The following SLC26A7 variants were observed in gnomAD, a reference collection of about 807,000 sequenced individuals.
SLC26A7 encodes the protein solute carrier family 26 member 7.
SLC26A7 carries 59 observed loss-of-function variants against 82.5 expected under a neutral mutation model. The observed-to-expected ratio is 0.72, with a 90% CI of 0.58 to 0.89. The LOEUF (loss-of-function observed/expected upper bound fraction) is 0.89. Among genes scored for constraint, SLC26A7 ranks in the 40% least tolerant of loss-of-function variants. The pLI is 0.00. For missense variants in SLC26A7, 820 were observed against 793.0 expected (o/e 1.03, Z -0.41); for synonymous variants, 271 against 274.3 (o/e 0.99, Z 0.12).
chr8:91,312,696 G>A (rs1284515231), intron 4 of SLC26A7, among the ~76,000 whole-genome samples: 1 of 151,476 alleles, frequency 6.6e-6, no homozygotes, highest in African/African-American at 2.4e-5. Context: ...CATCCTAACG[G>A]ATGTGAGGTG....
intron 7 of SLC26A7, among the ~76,000 whole-genome samples, chr8:91,338,569 A>G (rs965412100): frequency 6.6e-6 from 1 of 152,168 alleles, no homozygotes. Context: ...TCCCCACCAC[A>G]CATATTCTAT....
chr8:91,340,700 A>C, intron 8 of SLC26A7, 149 bp downstream of exon 8: 7 of 904,206 alleles, frequency 7.7e-6, no homozygotes, highest in Non-Finnish European at 1.2e-5. Context: ...AAATATCAAA[A>C]TCATTCATAG....
At chr8:91,305,310 C>T (rs1812275476) in intron 4 of SLC26A7, among the ~76,000 whole-genome samples, 1 of 151,862 alleles carries the variant, frequency 6.6e-6, no homozygotes. Context: ...TCTTGATAAA[C>T]AAATAGTAAT....
chr8:91,340,684 A>G, intron 8 of SLC26A7, 133 bp downstream of exon 8: 1 of 1,037,456 alleles, frequency 9.6e-7, no homozygotes, highest in East Asian at 2.6e-5. Context: ...GAACAAAAAA[A>G]AAGAAAAATA....
chr8:91,229,892 C>T (rs1297161436), intron 2 of SLC26A7, among the ~76,000 whole-genome samples: 2 of 152,124 alleles, frequency 1.3e-5, no homozygotes, highest in African/African-American at 2.4e-5. Flanking sequence ...CACATTTGTA[C>T]TAAAAAATTC....
chr8:91,379,011 A>G (rs1324147348), intron 15 of SLC26A7, among the ~76,000 whole-genome samples: 5 of 152,056 alleles, frequency 3.3e-5, no homozygotes, highest in Non-Finnish European at 7.4e-5. Flanking sequence ...TGGTTTCAAT[A>G]TACTAGCATC....
At chr8:91,391,872 A>G (rs114015008) in intron 16 of SLC26A7, among the ~76,000 whole-genome samples, 1,802 of 151,930 alleles carry the variant, frequency 0.012, 43 homozygotes, top group African/African-American at 0.041. Flanking sequence ...TCCATTTTAA[A>G]TTGGTTTCTG....
intron 4 of SLC26A7, among the ~76,000 whole-genome samples, chr8:91,302,926 A>G (rs1403268737): frequency 2.0e-5 from 3 of 150,090 alleles, no homozygotes; most frequent in Non-Finnish European, 4.4e-5. Context: ...TCTTGTGATT[A>G]GGACTCATGC....
chr8:91,323,482 CAA>C (rs1483502832), intron 5 of SLC26A7, among the ~76,000 whole-genome samples: 1 of 152,150 alleles, frequency 6.6e-6, no homozygotes, highest in Non-Finnish European at 1.5e-5. Flanking sequence ...ATTTACCAAA[CAA>C]GAGATGGCTG....
intron 4 of SLC26A7, among the ~76,000 whole-genome samples, chr8:91,317,710 T>A (rs1373591411): frequency 6.6e-6 from 1 of 152,136 alleles, no homozygotes; most frequent in Non-Finnish European, 1.5e-5. Context: ...AAGTAGTGAA[T>A]CATGTCTTTT....
At chr8:91,243,095 T>G (rs974569339) in intron 2 of SLC26A7, among the ~76,000 whole-genome samples, 1 of 152,158 alleles carries the variant, frequency 6.6e-6, no homozygotes, top group Non-Finnish European at 1.5e-5. Context: ...GCTTTTAAAG[T>G]CAGAACGCAG....
intron 2 of SLC26A7, among the ~76,000 whole-genome samples, chr8:91,268,930 C>T (rs925248244): frequency 1.9e-5 from 2 of 104,078 alleles, no homozygotes; most frequent in African/African-American, 7.7e-5. Flanking sequence ...CCAACTTAAT[C>T]TTGATCACAA....
At chr8:91,312,526 A>C (rs1243003230) in intron 4 of SLC26A7, among the ~76,000 whole-genome samples, 1 of 152,184 alleles carries the variant, frequency 6.6e-6, no homozygotes, top group African/African-American at 2.4e-5. Flanking sequence ...AGGAAACATC[A>C]CACTGCTTTT....
At chr8:91,212,220 A>G (rs1341088226) in intron 1 of SLC26A7, among the ~76,000 whole-genome samples, 1 of 152,208 alleles carries the variant, frequency 6.6e-6, no homozygotes, top group African/African-American at 2.4e-5. Flanking sequence ...GTATTTGAAC[A>G]ATGACTTAGA....
intron 2 of SLC26A7, among the ~76,000 whole-genome samples, chr8:91,284,004 T>C (rs1016462189): frequency 2.0e-5 from 3 of 152,162 alleles, no homozygotes; most frequent in African/African-American, 7.2e-5. Context: ...TTGGTTTTGG[T>C]TTGGCAACTT....
chr8:91,233,311 A>T (rs1319504042), intron 2 of SLC26A7, among the ~76,000 whole-genome samples: 1 of 152,142 alleles, frequency 6.6e-6, no homozygotes, highest in African/African-American at 2.4e-5. Flanking sequence ...TCATGCCTGT[A>T]ATCCCAGCAC....
intron 2 of SLC26A7, among the ~76,000 whole-genome samples, chr8:91,274,405 A>G (rs542632591): frequency 1.4e-3 from 212 of 152,362 alleles, no homozygotes; most frequent in Non-Finnish European, 2.6e-3. Flanking sequence ...AACAGCTGTC[A>G]TCTGGCAAGG....
intron 2 of SLC26A7, among the ~76,000 whole-genome samples, chr8:91,260,747 A>T (rs1810939796): frequency 6.6e-6 from 1 of 151,990 alleles, no homozygotes; most frequent in African/African-American, 2.4e-5. Context: ...TCTTGATCAT[A>T]GTGATTCTTC....
chr8:91,323,818 CTTTT>C (rs3086210), intron 5 of SLC26A7, among the ~76,000 whole-genome samples: 2 of 117,098 alleles, frequency 1.7e-5, no homozygotes, highest in Non-Finnish European at 3.6e-5. Context: ...TTTTTCTTAT[CTTTT>C]TTTTTTTTTT....
Sources: gnomAD v4.1 joint callset for allele counts (sites outside exome capture counted in the v4.1 genomes callset) on GRCh38, gnomAD v4.1.1 for gene constraint, MANE v1.5 for transcripts, NCBI Gene and HGNC (gene_info 2026-07-23, HGNC 2026-07-21) for gene names.